Variants in ADGRG7 observed in about 807,000 individuals in gnomAD.
The protein encoded by ADGRG7 is adhesion G protein-coupled receptor G7.
Under a neutral mutation model 88.6 loss-of-function variants are expected in ADGRG7, and 82 were observed. The observed-to-expected ratio is 0.93, with a 90% confidence interval of 0.77 to 1.11. The LOEUF is 1.11. Among genes scored for constraint, ADGRG7 ranks in the 50% most tolerant of loss-of-function variants. The pLI, the probability that ADGRG7 is intolerant of heterozygous loss-of-function variation, is 0.00. For synonymous variants in ADGRG7, 381 were observed against 345.2 expected (o/e 1.10, Z -1.15); for missense variants, 945 against 953.4 (o/e 0.99, Z 0.12).
chr3:100,667,629 A>G (rs1044123094), intron 14 of ADGRG7, among the ~76,000 whole-genome samples: 3 of 152,228 alleles, frequency 2.0e-5, no homozygotes, highest in Admixed American at 2.0e-4. Flanking sequence ...TAGTGCTGCA[A>G]TAAACATACG....
chr3:100,695,228 A>G lies in ADGRG7; in HGVS notation c.*227A>G, dbSNP rs766511693. 9.9e-6 allele frequency: 5 copies of G among 503,244 alleles called. No individual in the cohort carries two copies. The highest frequency in any genetic ancestry group is 1.7e-5 in the Non-Finnish European group (5 of 285,824). 31.2% of individuals were successfully genotyped at this position (503,244 alleles called of 1,614,324 possible). ...AATAAGGTGAAGAATTTCACACAAC[A>G]TACAAGAGTACCATTGTTCCTTATA... On this transcript the variant is annotated 3_prime_UTR_variant, in exon 16 of 16. Coordinates refer to ENST00000273352, the MANE Select transcript of ADGRG7 (RefSeq NM_032787.3).
At chr3:100,664,623 C>T (rs932623587) in intron 14 of ADGRG7, among the ~76,000 whole-genome samples, 2 of 152,138 alleles carry the variant, frequency 1.3e-5, no homozygotes, top group African/African-American at 4.8e-5. Flanking sequence ...TTTGACCCCA[C>T]ATCAATTTCA....
At chr3:100,622,944 A>T (rs1707335681) in intron 1 of ADGRG7, among the ~76,000 whole-genome samples, 1 of 147,472 alleles carries the variant, frequency 6.8e-6, no homozygotes, top group South Asian at 2.2e-4. Context: ...TTTTTTTGGT[A>T]GAGACAGGGT....
chr3:100,619,946 C>T (rs1707283719), intron 1 of ADGRG7, among the ~76,000 whole-genome samples: 1 of 152,130 alleles, frequency 6.6e-6, no homozygotes, highest in South Asian at 2.1e-4. Context: ...AGTCCAGGAC[C>T]AGATGGATTC....
At chr3:100,616,383 C>A (rs1408691376) in intron 1 of ADGRG7, among the ~76,000 whole-genome samples, 3 of 151,094 alleles carry the variant, frequency 2.0e-5, no homozygotes, top group Non-Finnish European at 4.4e-5. Context: ...CTTTAAAATA[C>A]AGGAGAAAAA....
intron 13 of ADGRG7, among the ~76,000 whole-genome samples, chr3:100,658,197 C>T (rs2094940193): frequency 6.6e-6 from 1 of 152,122 alleles, no homozygotes; most frequent in African/African-American, 2.4e-5. Context: ...CACATCCAAC[C>T]CATCAATAAA....
intron 1 of ADGRG7, among the ~76,000 whole-genome samples, chr3:100,623,422 T>C (rs1052541551): frequency 6.6e-6 from 1 of 152,240 alleles, no homozygotes; most frequent in African/African-American, 2.4e-5. Context: ...ACTTCATTGA[T>C]GTATTTGTCT....
intron 11 of ADGRG7, among the ~76,000 whole-genome samples, chr3:100,650,115 G>T (rs1144116): frequency 0.89 from 135,802 of 152,094 alleles, 62,505 homozygotes; most frequent in East Asian, 1. Flanking sequence ...ACCATGCCTA[G>T]CAATTTGTAT....
At chr3:100,614,344 C>A (rs942834839) in intron 1 of ADGRG7, among the ~76,000 whole-genome samples, 1 of 152,084 alleles carries the variant, frequency 6.6e-6, no homozygotes, top group Non-Finnish European at 1.5e-5. Flanking sequence ...TACACTGTAC[C>A]ATCAAGAAAA....
At chr3:100,617,898 A>C (rs1402505640) in intron 1 of ADGRG7, among the ~76,000 whole-genome samples, 2 of 152,100 alleles carry the variant, frequency 1.3e-5, no homozygotes, top group Non-Finnish European at 2.9e-5. Flanking sequence ...CTTTTTCATG[A>C]TCGCCATTGT....
rs116055240 is a variant in ADGRG7, at chr3:100,609,901, C to T, written c.45C>T (p.Val15=). Reference sequence around the variant, plus strand: ...GGAACCTTAGGGTGCTGGTGGCTGTCGTGTGTGGACTACTGACTGGCATCA... The same window carrying T: ...GGAACCTTAGGGTGCTGGTGGCTGTTGTGTGTGGACTACTGACTGGCATCA... The part of the protein sequence containing the change: ...RAWNLRVLVA[V]VCGLLTGIIL... Residue 15 remains valine (V), a synonymous_variant, in exon 1 of 16, where the codon GTC becomes GTT. Transcript: ENST00000273352. The T allele has an allele frequency of 1.5e-5, 25 of 1,613,944 alleles. No homozygotes were observed. The South Asian group carries it at 1.9e-4, about 12-fold the overall frequency.
rs190521808 is a variant in ADGRG7 at position 100,689,468 on chromosome 3, C to G, written c.2137-5276C>G. The stretch of plus-strand genomic sequence containing the variant: ...TTAGTTGATGCAGTTTCTTCCTAGC[C>G]TCGATGGTCTTTACAATTTGGCATG... On this transcript the variant is annotated intron_variant, in intron 15 of 15. Coordinates refer to ENST00000273352, the MANE Select transcript of ADGRG7 (RefSeq NM_032787.3). Among the ~76,000 whole-genome samples the G allele has an allele frequency of 3.9e-5, 6 of 152,270 alleles. No individual in the cohort carries two copies. In the East Asian group the frequency reaches 7.7e-4, roughly 20 times the overall value.
intron 14 of ADGRG7, among the ~76,000 whole-genome samples, chr3:100,666,262 C>G (rs1181212225): frequency 2.0e-5 from 3 of 152,044 alleles, no homozygotes; most frequent in African/African-American, 7.2e-5. Context: ...CCCGGGGAAC[C>G]AGCGTTCAGC....
At chr3:100,645,054 T>G (rs2149025462) in intron 8 of ADGRG7, among the ~76,000 whole-genome samples, 1 of 152,360 alleles carries the variant, frequency 6.6e-6, no homozygotes, top group Non-Finnish European at 1.5e-5. Flanking sequence ...TCAAATCAGA[T>G]GACTGAATAC....
chr3:100,664,885 A>G (rs1013252000), intron 14 of ADGRG7, among the ~76,000 whole-genome samples: 1 of 152,216 alleles, frequency 6.6e-6, no homozygotes, highest in Non-Finnish European at 1.5e-5. Context: ...ATTACTATAA[A>G]GATGATTTCA....
chr3:100,687,562 A>T (rs1489547711), intron 15 of ADGRG7, among the ~76,000 whole-genome samples: 1 of 151,998 alleles, frequency 6.6e-6, no homozygotes, highest in African/African-American at 2.4e-5. Flanking sequence ...TCAATACCTA[A>T]TTTATTGAGA....
Position 100,643,582 on chromosome 3 carries a change from C to G in ADGRG7, c.895C>G (p.Leu299Val). ...ATTTATACATACAAATGTGGATGGC[C>G]TTAACCCAGATGCACAGACTGAGCT... ...STFIHTNVDG[L>V]NPDAQTELQV... Residue 299 changes from leucine to valine, a missense_variant, in exon 8 of 16, where the codon CTT (leucine) becomes GTT (valine). By Grantham distance (32) the Leu-to-Val change is conservative. Coordinates refer to ENST00000273352, the MANE Select transcript of ADGRG7 (RefSeq NM_032787.3). 6.2e-7 allele frequency: 1 copy of G among 1,613,998 alleles called. No individual in the cohort carries two copies. The highest frequency in any genetic ancestry group is 8.5e-7 in the Non-Finnish European group (1 of 1,179,932).
At chr3:100,640,883 A>T (rs1419848352) in intron 6 of ADGRG7, among the ~76,000 whole-genome samples, 2 of 152,158 alleles carry the variant, frequency 1.3e-5, no homozygotes, top group Non-Finnish European at 2.9e-5. Context: ...CTTTGATCTC[A>T]TATTGAAGGT....
At chr3:100,616,890 G>C (rs1462457683) in intron 1 of ADGRG7, among the ~76,000 whole-genome samples, 3 of 152,108 alleles carry the variant, frequency 2.0e-5, no homozygotes, top group Middle Eastern at 6.3e-3. Context: ...GAATGGAAAA[G>C]AAAGCTAGGA....
Sources: gnomAD v4.1 joint callset for allele counts (sites outside exome capture counted in the v4.1 genomes callset) on GRCh38, gnomAD v4.1.1 for gene constraint, MANE v1.5 for transcripts, NCBI Gene and HGNC (gene_info 2026-07-23, HGNC 2026-07-21) for gene names.